Variants in ARHGEF11 observed in about 807,000 individuals in gnomAD.
The protein encoded by ARHGEF11 is Rho guanine exchange factor (GEF) 11.
Under a neutral mutation model 193.7 loss-of-function variants are expected in ARHGEF11, and 55 were observed. The observed-to-expected ratio is 0.28, with a 90% CI of 0.23 to 0.36. The LOEUF (loss-of-function observed/expected upper bound fraction) is 0.36, where lower values mean the gene tolerates loss of function less well. Ranked by LOEUF, ARHGEF11 falls within the 10% of genes least tolerant of loss-of-function variation. The pLI, the probability that ARHGEF11 is intolerant of heterozygous loss-of-function variation, is 1.00. For synonymous variants in ARHGEF11, 693 were observed against 768.0 expected, an observed-to-expected ratio of 0.90 and a Z score of 1.62; for missense variants, 1,723 against 2,005.6, an observed-to-expected ratio of 0.86 and a Z score of 2.69.
chr1:157,034,781 G>A (rs1557988318), intron 1 of ARHGEF11, among the ~76,000 whole-genome samples: 2 of 152,158 alleles, frequency 1.3e-5, no homozygotes. Context: ...AGTCTACCAC[G>A]TGCTAGATAT....
chr1:157,024,095 T>C (rs974255729), intron 1 of ARHGEF11, among the ~76,000 whole-genome samples: 1 of 13,598 alleles, frequency 7.4e-5, no homozygotes, highest in Non-Finnish European at 3.8e-4. Flanking sequence ...AGGATATTAA[T>C]TGGCATAAAA....
chr1:156,956,276 T>C, intron 19 of ARHGEF11, 144 bp downstream of exon 19: 1 of 817,474 alleles, frequency 1.2e-6, no homozygotes, highest in Non-Finnish European at 1.9e-6. Flanking sequence ...ACCACTATGC[T>C]GGACTAATTT....
chr1:156,989,179 C>T (rs1665367230), intron 1 of ARHGEF11, among the ~76,000 whole-genome samples: 1 of 152,040 alleles, frequency 6.6e-6, no homozygotes, highest in Non-Finnish European at 1.5e-5. Flanking sequence ...CAAATTTGTA[C>T]TCTAAATGGC....
At chr1:156,992,163 TTTC>T (rs1294735086) in intron 1 of ARHGEF11, among the ~76,000 whole-genome samples, 2 of 152,236 alleles carry the variant, frequency 1.3e-5, no homozygotes, top group East Asian at 3.8e-4. Flanking sequence ...CCTTGCTGTG[TTTC>T]TTCTTGTAAA....
chr1:157,015,900 G>A (rs1186480979), intron 1 of ARHGEF11, among the ~76,000 whole-genome samples: 1 of 152,202 alleles, frequency 6.6e-6, no homozygotes, highest in Non-Finnish European at 1.5e-5. Context: ...TATGGTCCCT[G>A]CCCTCTGGGA....
At chr1:156,997,326 AAGAC>A (rs1666662281) in intron 1 of ARHGEF11, among the ~76,000 whole-genome samples, 1 of 152,208 alleles carries the variant, frequency 6.6e-6, no homozygotes, top group Non-Finnish European at 1.5e-5. Context: ...TGGAGGGAAA[AAGAC>A]AGGTTATGGA....
At chr1:156,961,916 G>T in intron 13 of ARHGEF11, 141 bp from the exon 14 acceptor site, 1 of 665,382 alleles carries the variant, frequency 1.5e-6, no homozygotes. Context: ...GCATCTAGTG[G>T]GTACAGCCCA....
chr1:156,939,521 C>T, intron 37 of ARHGEF11, 27 bp downstream of exon 37: 1 of 1,605,728 alleles, frequency 6.2e-7, no homozygotes, highest in Non-Finnish European at 8.5e-7. Flanking sequence ...TGCTTGTCTC[C>T]CCACTGGACA....
At chr1:156,945,480 C>A in intron 29 of ARHGEF11, 2 of 432,716 alleles carry the variant, frequency 4.6e-6, no homozygotes, top group Non-Finnish European at 8.2e-6. Flanking sequence ...GGGACAGAGA[C>A]TGTGGTAAAT....
At chr1:156,942,960 G>A (rs932327663) in intron 32 of ARHGEF11, among the ~76,000 whole-genome samples, 180 bp from the exon 33 acceptor site, 1 of 152,102 alleles carries the variant, frequency 6.6e-6, no homozygotes, top group Non-Finnish European at 1.5e-5. Flanking sequence ...AGGGACAGAG[G>A]AAATTCCAGG....
Position 156,951,633 on chromosome 1 carries a change from T to A in ARHGEF11, c.1865A>T (p.Glu622Val). 6.2e-7 allele frequency: 1 copy of A among 1,614,194 alleles called. No homozygotes were observed. Among genetic ancestry groups the A allele is most frequent in the Non-Finnish European group, 8.5e-7 (1 of 1,180,022 alleles). The change falls in exon 22 of 41, where the codon GAA becomes GTA. Residue 622 changes from glutamate (E) to valine (V), a missense_variant. Around this residue, in one of 5 missense-constraint regions of ARHGEF11, gnomAD observed 491 missense variants for 654.5 expected, o/e 0.75. Coordinates refer to ENST00000368194, the MANE Select transcript of ARHGEF11 (RefSeq NM_198236.3). ...FENNQQYDAP[E>V]PGTQRLSTGS... ...GGTCGAGAGTCGTTGTGTCCCAGGT[T>A]CTGGGGCATCATACTGCTGGTTGTT... is the stretch of plus-strand genomic sequence containing the variant.
At chr1:157,007,056 T>TA (rs1187667642) in intron 1 of ARHGEF11, among the ~76,000 whole-genome samples, 1 of 152,056 alleles carries the variant, frequency 6.6e-6, no homozygotes, top group East Asian at 1.9e-4. Flanking sequence ...ACTGACTGGG[T>TA]AAATGAAGAG....
chr1:157,038,029 C>CAAAAAA lies in ARHGEF11; in HGVS notation c.32+6264_32+6269dup, dbSNP rs145416871. ...CCTGGGTGACAGAGCAAGACTGTCT[C>CAAAAAA]AAAAAAAAAAAAAAAAAAAAAAAAA... On this transcript the variant is annotated intron_variant, in intron 1 of 40. Coordinates refer to ENST00000368194, the MANE Select transcript of ARHGEF11 (RefSeq NM_198236.3). Among the ~76,000 whole-genome samples the CAAAAAA allele has an allele frequency of 1.9e-3, 85 of 45,512 alleles. 4 individuals are homozygous for CAAAAAA. Among genetic ancestry groups the CAAAAAA allele is most frequent in the African/African-American group, 7.5e-3 (82 of 10,916 alleles). 29.9% of individuals were successfully genotyped at this position (45,512 alleles called of 152,430 possible).
At chr1:156,980,059 T>C (rs1415746320) in intron 4 of ARHGEF11, among the ~76,000 whole-genome samples, 1 of 152,230 alleles carries the variant, frequency 6.6e-6, no homozygotes, top group Non-Finnish European at 1.5e-5. Flanking sequence ...TAGTTCAGAA[T>C]GGGCAAAGAC....
At chr1:156,997,207 C>G (rs1666644114) in intron 1 of ARHGEF11, among the ~76,000 whole-genome samples, 1 of 152,016 alleles carries the variant, frequency 6.6e-6, no homozygotes, top group Non-Finnish European at 1.5e-5. Flanking sequence ...TATAATTCAC[C>G]TGCCCTGCCC....
In ARHGEF11 at chr1:156,944,110, G is replaced by A. The variant is rs868785089; in HGVS notation, c.3068-8C>T. 2.5e-6 allele frequency: 4 copies of A among 1,612,500 alleles called. No individual in the cohort carries two copies. The Middle Eastern group carries it at 5.0e-4, about 200-fold the overall frequency. ...GCAGCAGCACGTGGAGGTCTGGAGG[G>A]GTATGGTCATGGGAAGGTGTTCCCT... On this transcript the variant is annotated splice_region_variant and splice_polypyrimidine_tract_variant and intron_variant, in intron 31 of 40. Transcript: ENST00000368194.
intron 40 of ARHGEF11, 71 bp downstream of exon 40, chr1:156,936,745 T>C: frequency 2.0e-6 from 3 of 1,510,082 alleles, no homozygotes; most frequent in Non-Finnish European, 2.7e-6. Flanking sequence ...CACTGCTTAG[T>C]GATGTGTCCT....
rs1661228114 is a variant in ARHGEF11, at chr1:156,963,313, C to A, written c.1039-9G>T. ...TGGAATATGATGTCGCTCTGGAAGG[C>A]AGAAGGATGAGCATGGTGGGAAGCC... is the stretch of plus-strand genomic sequence containing the variant. On this transcript the variant is annotated splice_polypyrimidine_tract_variant and intron_variant, in intron 12 of 40. Coordinates refer to ENST00000368194, the MANE Select transcript of ARHGEF11 (RefSeq NM_198236.3). 6.2e-7 allele frequency: 1 copy of A among 1,612,290 alleles called. No individual in the cohort carries two copies. The highest frequency in any genetic ancestry group is 1.3e-5 in the African/African-American group (1 of 75,000).
chr1:156,938,831 G>A, intron 37 of ARHGEF11: 1 of 361,118 alleles, frequency 2.8e-6, no homozygotes, highest in Admixed American at 4.6e-5. Context: ...CCACTAGCGT[G>A]GAACCCCATC....
Sources: gnomAD v4.1 joint callset for allele counts (sites outside exome capture counted in the v4.1 genomes callset) on GRCh38, gnomAD v4.1.1 for gene constraint, gnomAD v4.1.1 regional missense constraint, MANE v1.5 for transcripts, NCBI Gene and HGNC (gene_info 2026-07-23, HGNC 2026-07-21) for gene names.